Variants in NTRK2 observed in about 807,000 individuals in gnomAD.
The protein encoded by NTRK2 is neurotrophic receptor tyrosine kinase 2, also known as BDNF/NT-3 growth factors receptor.
Under a neutral mutation model 94.5 loss-of-function variants are expected in NTRK2, and 13 were observed. That is an observed-to-expected ratio of 0.14 (90% confidence interval 0.09 to 0.22). NTRK2 has a LOEUF of 0.22. NTRK2 is among the 10% of genes least tolerant of loss of function. NTRK2 has a pLI of 1.00. For missense variants in NTRK2, 639 were observed against 1,071.2 expected, an observed-to-expected ratio of 0.60 and a Z score of 5.63; for synonymous variants, 372 against 407.4, an observed-to-expected ratio of 0.91 and a Z score of 1.05.
intron 2 of NTRK2, among the ~76,000 whole-genome samples, chr9:84,694,889 A>G (rs574343336): frequency 6.6e-6 from 1 of 151,956 alleles, no homozygotes; most frequent in Admixed American, 6.6e-5. Flanking sequence ...ATAAAAATCT[A>G]TCTATTGGCC....
At chr9:84,869,346 G>A (rs994745295) in intron 14 of NTRK2, among the ~76,000 whole-genome samples, 3 of 151,902 alleles carry the variant, frequency 2.0e-5, no homozygotes, top group South Asian at 2.1e-4. Context: ...GCACCCAACC[G>A]CAATGTCCCA....
At chr9:84,784,707 G>C (rs911158168) in intron 12 of NTRK2, among the ~76,000 whole-genome samples, 1 of 152,166 alleles carries the variant, frequency 6.6e-6, no homozygotes, top group Non-Finnish European at 1.5e-5. Flanking sequence ...TAAGGACTCT[G>C]TTCCCTTTAG....
intron 12 of NTRK2, among the ~76,000 whole-genome samples, chr9:84,782,241 G>T (rs557645514): frequency 6.6e-6 from 1 of 152,156 alleles, no homozygotes; most frequent in African/African-American, 2.4e-5. Context: ...CAGGACTCAT[G>T]TTTTTATAGA....
chr9:84,746,172 G>A (rs1043089917), intron 11 of NTRK2, among the ~76,000 whole-genome samples: 1 of 152,018 alleles, frequency 6.6e-6, no homozygotes, highest in African/African-American at 2.4e-5. Context: ...CCTTCTAAGT[G>A]GTTTAAAACA....
At chr9:84,870,238 A>ACT (rs2075791161) in intron 14 of NTRK2, among the ~76,000 whole-genome samples, 1 of 141,636 alleles carries the variant, frequency 7.1e-6, no homozygotes, top group African/African-American at 2.6e-5. Context: ...GTGTACATAT[A>ACT]TAAGTATATG....
At chr9:85,006,131 CT>C (rs1013818616) in intron 17 of NTRK2, among the ~76,000 whole-genome samples, 2 of 152,178 alleles carry the variant, frequency 1.3e-5, no homozygotes, top group African/African-American at 4.8e-5. Flanking sequence ...GAAACCTATA[CT>C]TTTTGCAATA....
chr9:84,848,079 CAGAGAG>C (rs3029704), intron 12 of NTRK2, among the ~76,000 whole-genome samples: 5,730 of 144,118 alleles, frequency 0.04, 165 homozygotes, highest in African/African-American at 0.078. Flanking sequence ...TAGAGAGGGG[CAGAGAG>C]AGAGAGAGAG....
intron 2 of NTRK2, among the ~76,000 whole-genome samples, chr9:84,674,422 T>C (rs1408622982): frequency 6.6e-6 from 1 of 152,204 alleles, no homozygotes; most frequent in Non-Finnish European, 1.5e-5. Flanking sequence ...ATTAATACAT[T>C]GATTTTGGCC....
chr9:84,810,352 G>A (rs533280562), intron 12 of NTRK2, among the ~76,000 whole-genome samples: 101 of 152,116 alleles, frequency 6.6e-4, no homozygotes, highest in Non-Finnish European at 1.2e-3. Flanking sequence ...GCTCAATAAT[G>A]AGATGCCCAT....
In NTRK2 at chr9:84,741,833, A is replaced by C. The variant is rs376991213; in HGVS notation, c.1160-59A>C. 9.1e-6 allele frequency: 13 copies of C among 1,421,078 alleles called. No homozygotes were observed. In the African/African-American group the frequency reaches 1.7e-4, roughly 18 times the overall value. 88.0% of individuals were successfully genotyped at this position (1,421,078 alleles called of 1,614,324 possible). A position where few individuals can be genotyped will look rare whatever the true frequency, so the allele number is the denominator to read the frequency against. On this transcript the variant is annotated intron_variant, in intron 9 of 18. Coordinates refer to ENST00000277120, the MANE Select transcript of NTRK2 (RefSeq NM_006180.6). ...TAGCTTATTTTAGTTGACATAGGTT[A>C]GTAATTTTTTGACTCCAAAATGCAT... is the stretch of plus-strand genomic sequence containing the variant.
At chr9:84,811,909 A>ACCG in intron 12 of NTRK2, 13 of 629,876 alleles carry the variant, frequency 2.1e-5, no homozygotes, top group East Asian at 8.5e-5. Flanking sequence ...GGCTATCCCC[A>ACCG]CCCCACCCCA....
At chr9:84,740,494 G>GT (rs759246025) in intron 9 of NTRK2, among the ~76,000 whole-genome samples, 14 of 152,328 alleles carry the variant, frequency 9.2e-5, no homozygotes, top group Non-Finnish European at 1.5e-4. Context: ...GCTGCACAGG[G>GT]TGTGCACTGC....
At chr9:84,708,025 A>G in intron 5 of NTRK2, 113 bp downstream of exon 5, 1 of 831,460 alleles carries the variant, frequency 1.2e-6, no homozygotes, top group Non-Finnish European at 2.0e-6. Flanking sequence ...CAAATTCTCA[A>G]AAAATGATTT....
chr9:84,870,144 T>C (rs1306877584), intron 14 of NTRK2, among the ~76,000 whole-genome samples: 1 of 139,648 alleles, frequency 7.2e-6, no homozygotes, highest in Non-Finnish European at 1.5e-5. Context: ...CACACACATA[T>C]ATATACACAC....
intron 17 of NTRK2, among the ~76,000 whole-genome samples, chr9:84,990,287 G>A (rs1369512743): frequency 1.3e-5 from 2 of 152,222 alleles, no homozygotes; most frequent in African/African-American, 2.4e-5. Flanking sequence ...GCGCTTGGGA[G>A]TCAAGCATGT....
At chr9:84,790,308 GC>G (rs1185741884) in intron 12 of NTRK2, among the ~76,000 whole-genome samples, 1 of 152,114 alleles carries the variant, frequency 6.6e-6, no homozygotes, top group Admixed American at 6.6e-5. Flanking sequence ...TCTCTCCAAG[GC>G]AGTTATTCAG....
At chr9:84,777,183 G>A (rs190812918) in intron 12 of NTRK2, among the ~76,000 whole-genome samples, 191 of 152,260 alleles carry the variant, frequency 1.3e-3, no homozygotes, top group African/African-American at 4.4e-3. Flanking sequence ...GTGGGGTTGT[G>A]CATCATAAAT....
At chr9:84,976,822 C>T (rs1462623804) in intron 17 of NTRK2, among the ~76,000 whole-genome samples, 1 of 152,048 alleles carries the variant, frequency 6.6e-6, no homozygotes, top group African/African-American at 2.4e-5. Flanking sequence ...ATGGTGGAAG[C>T]AGTGTTATTA....
intron 2 of NTRK2, among the ~76,000 whole-genome samples, chr9:84,687,659 C>G (rs1034197182): frequency 6.6e-6 from 1 of 152,160 alleles, no homozygotes; most frequent in African/African-American, 2.4e-5. Flanking sequence ...ATGGGTAGCT[C>G]AAATTGAGGA....
Sources: gnomAD v4.1 joint callset for allele counts (sites outside exome capture counted in the v4.1 genomes callset) on GRCh38, gnomAD v4.1.1 for gene constraint, MANE v1.5 for transcripts, NCBI Gene and HGNC (gene_info 2026-07-23, HGNC 2026-07-21) for gene names.